Variants in ANTXR2 observed in about 807,000 individuals in gnomAD.
ANTXR2 encodes the protein anthrax toxin receptor 2.
Under a neutral mutation model 73.7 loss-of-function variants are expected in ANTXR2, and 44 were observed. That is an observed-to-expected ratio of 0.60 (90% CI 0.47 to 0.77). ANTXR2 has a LOEUF of 0.77. Among genes scored for constraint, ANTXR2 ranks in the 30% least tolerant of loss-of-function variants. The pLI, the probability that ANTXR2 is intolerant of heterozygous loss-of-function variation, is 0.00. For missense variants in ANTXR2, 604 were observed against 592.5 expected (o/e 1.02, Z -0.20); for synonymous variants, 217 against 205.9 (o/e 1.05, Z -0.46).
intron 7 of ANTXR2, 28 bp from the exon 8 acceptor site, chr4:80,036,060 C>T (rs1165505288): frequency 7.0e-7 from 1 of 1,436,626 alleles, no homozygotes; most frequent in Non-Finnish European, 9.3e-7. Context: ...AAAAGATTAC[C>T]AAGCTATAGA....
At chr4:80,010,141 A>T (rs1252037345) in intron 11 of ANTXR2, among the ~76,000 whole-genome samples, 1 of 152,120 alleles carries the variant, frequency 6.6e-6, no homozygotes, top group Non-Finnish European at 1.5e-5. Flanking sequence ...TTTTCAGGCA[A>T]ATACCTAAGT....
intron 10 of ANTXR2, among the ~76,000 whole-genome samples, chr4:80,025,007 C>A (rs1732361047): frequency 6.6e-6 from 1 of 152,128 alleles, no homozygotes; most frequent in African/African-American, 2.4e-5. Context: ...TATTTCTTAA[C>A]AAATATCTTA....
intron 16 of ANTXR2, among the ~76,000 whole-genome samples, chr4:79,955,614 T>A (rs941483370): frequency 6.6e-6 from 1 of 152,116 alleles, no homozygotes; most frequent in African/African-American, 2.4e-5. Flanking sequence ...AGGAAAAATA[T>A]CATATTCATA....
chr4:80,056,861 TTTTAAAATATAGA>T (rs1400023526), intron 3 of ANTXR2, among the ~76,000 whole-genome samples: 1 of 151,898 alleles, frequency 6.6e-6, no homozygotes, highest in Non-Finnish European at 1.5e-5. Context: ...TTTTTAGAGT[TTTTAAAATATAGA>T]TTTGAAACCT....
chr4:79,990,383 C>CAAAAAAAAAAAA (rs70944757), intron 12 of ANTXR2, among the ~76,000 whole-genome samples: 12 of 76,910 alleles, frequency 1.6e-4, no homozygotes, highest in East Asian at 7.6e-4. Flanking sequence ...ACAACAGTTA[C>CAAAAAAAAAAAA]AAAAAAAAAA....
Position 79,907,345 on chromosome 4 carries a change from G to T in ANTXR2, c.*84C>A. ...CTGCTCTTCCAAAAGCTTCTGAAATGCACTTGATTTTTTTCATTTGGTTGA... is the reference window on the plus strand; with the variant it reads ...CTGCTCTTCCAAAAGCTTCTGAAATTCACTTGATTTTTTTCATTTGGTTGA... On this transcript the variant is annotated 3_prime_UTR_variant, in exon 17 of 17. Transcript: ENST00000403729. The T allele has an allele frequency of 7.0e-7, 1 of 1,428,120 alleles. No homozygotes were observed. Among genetic ancestry groups the T allele is most frequent in the African/African-American group, 1.4e-5 (1 of 69,610 alleles). 88.5% of individuals were successfully genotyped at this position (1,428,120 alleles called of 1,614,324 possible).
intron 16 of ANTXR2, among the ~76,000 whole-genome samples, chr4:79,965,484 T>G (rs934769458): frequency 6.6e-6 from 1 of 152,202 alleles, no homozygotes; most frequent in Non-Finnish European, 1.5e-5. Flanking sequence ...ACTAAAAAAA[T>G]TGTTTAAACT....
At chr4:80,028,960 T>A (rs1732561657) in intron 10 of ANTXR2, among the ~76,000 whole-genome samples, 1 of 152,162 alleles carries the variant, frequency 6.6e-6, no homozygotes, top group African/African-American at 2.4e-5. Flanking sequence ...TTCAATGGTA[T>A]CATGTACCTG....
chr4:80,065,500 A>G (rs1391742810), intron 3 of ANTXR2, among the ~76,000 whole-genome samples: 1 of 152,208 alleles, frequency 6.6e-6, no homozygotes, highest in Non-Finnish European at 1.5e-5. Context: ...GGAGGAATGG[A>G]CTAACAGACA....
chr4:79,984,910 G>A, intron 12 of ANTXR2, 47 bp from the exon 13 acceptor site: 1 of 1,400,024 alleles, frequency 7.1e-7, no homozygotes, highest in African/African-American at 1.4e-5. Context: ...ATAGAGAGGA[G>A]ATAGTAAGGA....
chr4:79,977,498 T>G lies in ANTXR2; in HGVS notation c.1428+123A>C, dbSNP rs998615230. 9 of 1,482,818 alleles carry G rather than the reference T, an allele frequency of 6.1e-6. No homozygotes were observed. In the African/African-American group the frequency reaches 1.3e-4, roughly 21 times the overall value. 91.9% of individuals were successfully genotyped at this position (1,482,818 alleles called of 1,614,324 possible). ...AATTCTATGTAATAGAAATCTACAC[T>G]TGACAGTATTTCCTTCCTCAAGTGC... On this transcript the variant is annotated intron_variant, in intron 16 of 16. Transcript: ENST00000403729.
chr4:79,936,827 T>C (rs1728282663), intron 16 of ANTXR2, among the ~76,000 whole-genome samples: 1 of 152,122 alleles, frequency 6.6e-6, no homozygotes, highest in Admixed American at 6.6e-5. Flanking sequence ...CATTCCCACC[T>C]AGTACAATGG....
intron 16 of ANTXR2, among the ~76,000 whole-genome samples, chr4:79,921,577 G>A (rs1248087848): frequency 6.6e-6 from 1 of 152,008 alleles, no homozygotes; most frequent in African/African-American, 2.4e-5. Context: ...TTAAGTTTCT[G>A]AATTGATGTT....
intron 3 of ANTXR2, among the ~76,000 whole-genome samples, chr4:80,058,893 G>A (rs1734121292): frequency 6.6e-6 from 1 of 152,206 alleles, no homozygotes; most frequent in Non-Finnish European, 1.5e-5. Context: ...TGTCAAGGAT[G>A]CTGCTGTCAT....
chr4:79,935,460 T>G (rs1728225481), intron 16 of ANTXR2, among the ~76,000 whole-genome samples: 1 of 151,940 alleles, frequency 6.6e-6, no homozygotes, highest in Non-Finnish European at 1.5e-5. Flanking sequence ...GGGGCCAGAC[T>G]GTCTAGAGAA....
chr4:80,047,088 C>A (rs1171889570), intron 7 of ANTXR2, among the ~76,000 whole-genome samples: 2 of 151,690 alleles, frequency 1.3e-5, no homozygotes, highest in Non-Finnish European at 2.9e-5. Flanking sequence ...TTCATTTTAT[C>A]TGTGTAACCA....
At chr4:80,054,423 T>C in intron 6 of ANTXR2, 71 bp from the exon 7 acceptor site, 2 of 1,126,466 alleles carry the variant, frequency 1.8e-6, no homozygotes, top group South Asian at 1.4e-5. Context: ...CTTCGTTACA[T>C]TTCAGTTATG....
At chr4:79,961,931 G>A (rs1007349205) in intron 16 of ANTXR2, among the ~76,000 whole-genome samples, 3 of 152,030 alleles carry the variant, frequency 2.0e-5, no homozygotes, top group African/African-American at 7.3e-5. Context: ...AAATGTATAT[G>A]ACTCCACTAA....
chr4:80,031,168 CCTT>C (rs774634008), intron 10 of ANTXR2, among the ~76,000 whole-genome samples: 2 of 151,846 alleles, frequency 1.3e-5, no homozygotes, highest in Non-Finnish European at 2.9e-5. Flanking sequence ...GCAAGGTGTG[CCTT>C]TTTTTAGCCA....
Sources: gnomAD v4.1 joint callset for allele counts (sites outside exome capture counted in the v4.1 genomes callset) on GRCh38, gnomAD v4.1.1 for gene constraint, MANE v1.5 for transcripts, NCBI Gene and HGNC (gene_info 2026-07-23, HGNC 2026-07-21) for gene names.